Variants in SLC12A8 observed in about 807,000 individuals in gnomAD.
The protein encoded by SLC12A8 is solute carrier family 12 member 8, also known as cation-chloride cotransporter 9.
A neutral mutation model predicts 75.6 loss-of-function variants in SLC12A8; 69 were observed. That is an observed-to-expected ratio of 0.91 (90% CI 0.75 to 1.11). The LOEUF (loss-of-function observed/expected upper bound fraction) is 1.11, where lower values mean the gene tolerates loss of function less well. Among genes scored for constraint, SLC12A8 ranks in the 50% most tolerant of loss-of-function variants. The probability of loss-of-function intolerance (pLI) is 0.00; values close to 1 mark genes in which losing one functional copy is unlikely to be tolerated. For synonymous variants in SLC12A8, 365 were observed against 372.8 expected (o/e 0.98, Z 0.24); for missense variants, 877 against 896.7 (o/e 0.98, Z 0.28).
chr3:125,106,842 T>C (rs1343900877), intron 10 of SLC12A8, among the ~76,000 whole-genome samples: 1 of 152,206 alleles, frequency 6.6e-6, no homozygotes, highest in African/African-American at 2.4e-5. Context: ...TGACCTCATG[T>C]GGACACAAGG....
intron 8 of SLC12A8, among the ~76,000 whole-genome samples, chr3:125,113,455 T>C (rs1939234079): frequency 6.6e-6 from 1 of 152,166 alleles, no homozygotes; most frequent in Non-Finnish European, 1.5e-5. Context: ...CTGTCATTTG[T>C]CATCCATCCA....
At chr3:125,131,275 A>C (rs768582214) in intron 6 of SLC12A8, among the ~76,000 whole-genome samples, 8 of 152,228 alleles carry the variant, frequency 5.3e-5, no homozygotes, top group African/African-American at 9.6e-5. Context: ...GGAGGGAAAC[A>C]GAAAAGAAAC....
intron 5 of SLC12A8, among the ~76,000 whole-genome samples, chr3:125,139,672 G>A (rs990731665): frequency 6.6e-6 from 1 of 152,196 alleles, no homozygotes; most frequent in African/African-American, 2.4e-5. Flanking sequence ...GCCCAGGGGA[G>A]GCACTCATGT....
chr3:125,155,757 A>AC (rs1934035687), intron 5 of SLC12A8, among the ~76,000 whole-genome samples: 1 of 150,874 alleles, frequency 6.6e-6, no homozygotes, highest in Admixed American at 6.6e-5. Context: ...TCTCAAAAAA[A>AC]AAAAAAAAAA....
At chr3:125,191,246 A>T (rs1934903624) in intron 2 of SLC12A8, among the ~76,000 whole-genome samples, 1 of 152,218 alleles carries the variant, frequency 6.6e-6, no homozygotes, top group Non-Finnish European at 1.5e-5. Context: ...GAAAAAACAG[A>T]TTCCTTGCTC....
intron 8 of SLC12A8, among the ~76,000 whole-genome samples, chr3:125,117,133 T>C (rs1342278811): frequency 6.6e-6 from 1 of 152,192 alleles, no homozygotes; most frequent in Non-Finnish European, 1.5e-5. Context: ...TTTGCATGGG[T>C]GCCTACAAGC....
rs532368317 is a variant in SLC12A8, at chr3:125,131,436, G to T, written c.736+4233C>A. Among the ~76,000 whole-genome samples, 3 of 152,196 alleles carry T rather than the reference G, an allele frequency of 2.0e-5. No homozygotes were observed. The East Asian group carries it at 5.8e-4, about 29-fold the overall frequency. On this transcript the variant is annotated intron_variant, in intron 6 of 13. Transcript: ENST00000469902. ...GAGTCTTGCTCTGTCACCCAGGCTGGAGTGCAGTGGCACGATTTCAGCGCA... is the reference window on the plus strand; with the variant it reads ...GAGTCTTGCTCTGTCACCCAGGCTGTAGTGCAGTGGCACGATTTCAGCGCA...
At chr3:125,144,900 C>T (rs1198996918) in intron 5 of SLC12A8, among the ~76,000 whole-genome samples, 2 of 152,096 alleles carry the variant, frequency 1.3e-5, no homozygotes, top group Non-Finnish European at 2.9e-5. Flanking sequence ...AAGCAGAGCC[C>T]CCCTCCTGCC....
chr3:125,187,183 A>G, intron 4 of SLC12A8, 54 bp downstream of exon 4: 2 of 1,575,776 alleles, frequency 1.3e-6, no homozygotes, highest in Middle Eastern at 1.8e-4. Context: ...GAAATGGACA[A>G]GAAGAAAGTG....
At chr3:125,195,596 T>TTG (rs386397832) in intron 2 of SLC12A8, among the ~76,000 whole-genome samples, 1 of 67,134 alleles carries the variant, frequency 1.5e-5, no homozygotes, top group East Asian at 6.5e-4. Flanking sequence ...CAATCTGTTG[T>TTG]TTTTTTTTTT....
intron 5 of SLC12A8, among the ~76,000 whole-genome samples, chr3:125,167,912 G>T (rs1934326373): frequency 6.6e-6 from 1 of 152,246 alleles, no homozygotes; most frequent in African/African-American, 2.4e-5. Flanking sequence ...AGCCCATGTG[G>T]CTCTTTGAAT....
intron 5 of SLC12A8, among the ~76,000 whole-genome samples, chr3:125,138,539 A>G (rs1933548635): frequency 6.9e-6 from 1 of 144,920 alleles, no homozygotes; most frequent in Non-Finnish European, 1.5e-5. Context: ...TATATACTAT[A>G]TGCTAATTCA....
intron 2 of SLC12A8, among the ~76,000 whole-genome samples, chr3:125,208,791 C>CACACACACACACAG (rs1368605617): frequency 4.8e-5 from 4 of 84,182 alleles, no homozygotes; most frequent in Non-Finnish European, 7.1e-5. Context: ...CACACACACA[C>CACACACACACACAG]AGAGAGAGAG....
chr3:125,181,681 A>G (rs1318917147), intron 4 of SLC12A8, among the ~76,000 whole-genome samples: 1 of 151,134 alleles, frequency 6.6e-6, no homozygotes, highest in African/African-American at 2.4e-5. Context: ...CAACATAAAT[A>G]AAAAGATAAT....
rs771579227 is a variant in SLC12A8 at position 125,187,286 on chromosome 3, A to G, written c.341T>C (p.Leu114Pro). 1.5e-5 allele frequency: 24 copies of G among 1,614,084 alleles called. No homozygotes were observed. The South Asian group carries it at 2.2e-4, about 15-fold the overall frequency. ...GGVYSMISSV[L>P]GGQTGGTIGL... ...GATGGTGCCTCCCGTCTGCCCACCC[A>G]GGACCGAGGAGATCATGGAGTAGAC... Residue 114 changes from leucine to proline, a missense_variant, in exon 4 of 14, where the codon CTG becomes CCG. Transcript: ENST00000469902.
intron 2 of SLC12A8, among the ~76,000 whole-genome samples, chr3:125,196,935 C>CA (rs1426089508): frequency 6.6e-6 from 1 of 151,954 alleles, no homozygotes; most frequent in East Asian, 1.9e-4. Context: ...CTCAAACAAA[C>CA]AAAAAAAGTG....
intron 5 of SLC12A8, among the ~76,000 whole-genome samples, chr3:125,154,614 T>G (rs1934006079): frequency 6.6e-6 from 1 of 152,210 alleles, no homozygotes. Flanking sequence ...CCCCAGGGGA[T>G]GCCTGAAACC....
At chr3:125,208,931 C>T (rs1471261364) in intron 2 of SLC12A8, among the ~76,000 whole-genome samples, 2 of 152,096 alleles carry the variant, frequency 1.3e-5, no homozygotes, top group African/African-American at 4.8e-5. Flanking sequence ...TCCTGTGAGC[C>T]ACTTTCTAAT....
intron 2 of SLC12A8, among the ~76,000 whole-genome samples, chr3:125,196,726 T>C (rs981229134): frequency 1.3e-5 from 2 of 152,168 alleles, no homozygotes; most frequent in Admixed American, 6.5e-5. Context: ...GCCAGGTGTT[T>C]AAGACCAGCC....
Sources: gnomAD v4.1 joint callset for allele counts (sites outside exome capture counted in the v4.1 genomes callset) on GRCh38, gnomAD v4.1.1 for gene constraint, MANE v1.5 for transcripts, NCBI Gene and HGNC (gene_info 2026-07-23, HGNC 2026-07-21) for gene names.